Variants in PCDHGB4 observed in about 807,000 individuals in gnomAD.
PCDHGB4 encodes the protein protocadherin gamma subfamily B, 4.
A neutral mutation model predicts 60.5 loss-of-function variants in PCDHGB4; 38 were observed. The observed-to-expected ratio is 0.63, with a 90% CI of 0.48 to 0.82. The LOEUF (loss-of-function observed/expected upper bound fraction) is 0.82, where lower values mean the gene tolerates loss of function less well. Ranked by LOEUF, PCDHGB4 falls within the 40% of genes least tolerant of loss-of-function variation. The pLI is 0.00. For synonymous variants in PCDHGB4, 456 were observed against 509.7 expected, an observed-to-expected ratio of 0.89 and a Z score of 1.42; for missense variants, 1,109 against 1,209.6, an observed-to-expected ratio of 0.92 and a Z score of 1.23.
chr5:141,400,880 T>C (rs919340566), intron 1 of PCDHGB4, among the ~76,000 whole-genome samples: 1 of 152,276 alleles, frequency 6.6e-6, no homozygotes, highest in Non-Finnish European at 1.5e-5. Flanking sequence ...TTAAATTTAA[T>C]GTATGTAATC....
In PCDHGB4 at chr5:141,491,762, C is replaced by T. The variant is rs1162878124; in HGVS notation, c.2398-3045C>T. The T allele has an allele frequency of 6.4e-7, 1 of 1,572,596 alleles. No homozygotes were observed. The highest frequency in any genetic ancestry group is 1.4e-5 in the African/African-American group (1 of 73,308). ...GGCGGCACTGGAGAAGCCGCCCGTC[C>T]TCATAAGGGATTGAACTTGCATCCA... On this transcript the variant is annotated intron_variant, in intron 1 of 3. Transcript: ENST00000519479. The surrounding 1 kb of genome is among the most constrained non-coding windows in gnomAD (Gnocchi z 6.9).
At chr5:141,404,912 C>T (rs761969782) in intron 1 of PCDHGB4, 31 of 1,613,946 alleles carry the variant, frequency 1.9e-5, no homozygotes, top group Non-Finnish European at 2.5e-5. Flanking sequence ...CCAGCCCCCT[C>T]TCTCGGCCAC....
At position 141,427,298 on chromosome 5, in the gene PCDHGB4, G is replaced by A. The variant is rs960474831; in HGVS notation, c.2397+37017G>A. The A allele has an allele frequency of 8.8e-6, 4 of 456,870 alleles. No individual in the cohort carries two copies. The Admixed American group carries it at 9.4e-5, about 11-fold the overall frequency. 28.3% of individuals were successfully genotyped at this position (456,870 alleles called of 1,614,324 possible). A position where few individuals can be genotyped will look rare whatever the true frequency, so the allele number is the denominator to read the frequency against. On this transcript the variant is annotated intron_variant, in intron 1 of 3. Coordinates refer to ENST00000519479, the MANE Select transcript of PCDHGB4 (RefSeq NM_003736.4). ...AAATTATACTAGAAATCCTAGATGA[G>A]AATGACAATGCCCCAGACGTGGTTT...
chr5:141,509,207 A>C (rs1263006059), intron 3 of PCDHGB4, among the ~76,000 whole-genome samples: 2 of 151,694 alleles, frequency 1.3e-5, no homozygotes, highest in Non-Finnish European at 2.9e-5. Context: ...CTGTCTCTCT[A>C]TTTCTCAATC....
chr5:141,500,641 TA>T (rs1306300025), intron 2 of PCDHGB4, among the ~76,000 whole-genome samples: 4 of 152,346 alleles, frequency 2.6e-5, no homozygotes, highest in Middle Eastern at 3.4e-3. Flanking sequence ...ACTAGTTTTT[TA>T]AAAATAGCAA....
At chr5:141,410,722 ATCC>A (rs2154543211) in intron 1 of PCDHGB4, 21 of 1,396,054 alleles carry the variant, frequency 1.5e-5, no homozygotes, top group Non-Finnish European at 2.0e-5. Context: ...TATGTTTAAA[ATCC>A]ATAGCTTTTT....
chr5:141,446,532 A>G (rs1443843436), intron 1 of PCDHGB4, among the ~76,000 whole-genome samples: 1 of 151,788 alleles, frequency 6.6e-6, no homozygotes, highest in Non-Finnish European at 1.5e-5. Flanking sequence ...GCTGGAGTGC[A>G]GTGGCCCTAT....
chr5:141,428,067 G>GC, intron 1 of PCDHGB4: 2 of 1,609,228 alleles, frequency 1.2e-6, no homozygotes, highest in Non-Finnish European at 1.7e-6. Context: ...GGTGGACGCA[G>GC]ATTCGGGACA....
At chr5:141,433,383 CT>C (rs2097595660) in intron 1 of PCDHGB4, among the ~76,000 whole-genome samples, 1 of 151,456 alleles carries the variant, frequency 6.6e-6, no homozygotes, top group Non-Finnish European at 1.5e-5. Context: ...ATCTATCTAT[CT>C]ATCTATCTAT....
chr5:141,422,807 G>C (rs199507728), intron 1 of PCDHGB4: 7 of 1,614,198 alleles, frequency 4.3e-6, no homozygotes, highest in Non-Finnish European at 5.9e-6. Context: ...GAGCAGTTTC[G>C]AGACTTAGAA....
At chr5:141,504,381 T>C (rs1039838477) in intron 2 of PCDHGB4, among the ~76,000 whole-genome samples, 4 of 152,130 alleles carry the variant, frequency 2.6e-5, no homozygotes, top group Non-Finnish European at 5.9e-5. Context: ...GTGGAGTCGC[T>C]GCCTCACAGA....
intron 1 of PCDHGB4, among the ~76,000 whole-genome samples, chr5:141,420,701 T>C (rs371823252): frequency 7.2e-5 from 11 of 152,226 alleles, no homozygotes; most frequent in Admixed American, 5.9e-4. Flanking sequence ...TATTTCCACT[T>C]CCAGAAATGT....
rs1561856520 is a variant in PCDHGB4 at position 141,431,983 on chromosome 5, A to C, written c.2397+41702A>C. 3.1e-6 allele frequency: 5 copies of C among 1,614,242 alleles called. No homozygotes were observed. Among genetic ancestry groups the C allele is most frequent in the Non-Finnish European group, 4.2e-6 (5 of 1,180,036 alleles). ...ATTACTATAGTTTAGTCACAGACAT[A>C]GTCTTGGATAGGGAACAGGTTCCTA... On this transcript the variant is annotated intron_variant, in intron 1 of 3. Coordinates refer to ENST00000519479, the MANE Select transcript of PCDHGB4 (RefSeq NM_003736.4). The surrounding 1 kb of genome is among the most constrained non-coding windows in gnomAD (Gnocchi z 4.8).
intron 1 of PCDHGB4, chr5:141,392,926 A>G (rs1180746876): frequency 9.3e-6 from 15 of 1,613,946 alleles, no homozygotes; most frequent in Non-Finnish European, 1.3e-5. Context: ...GTGCCAGAAG[A>G]GACGGACAAA....
chr5:141,478,774 G>T (rs1019315910), intron 1 of PCDHGB4: 1 of 1,496,268 alleles, frequency 6.7e-7, no homozygotes, highest in African/African-American at 1.4e-5. Flanking sequence ...ACTCATCTGT[G>T]GACCTAATTC....
intron 1 of PCDHGB4, chr5:141,399,826 G>C (rs2093897872): frequency 1.2e-6 from 2 of 1,613,066 alleles, no homozygotes; most frequent in Non-Finnish European, 1.7e-6. Context: ...GGGTCCCGAC[G>C]GCTCTGCGCT....
intron 3 of PCDHGB4, among the ~76,000 whole-genome samples, chr5:141,509,539 A>G (rs749824780): frequency 1.3e-5 from 2 of 152,160 alleles, no homozygotes; most frequent in East Asian, 1.9e-4. Context: ...ATGAAGCACC[A>G]TCTCATTTAG....
In PCDHGB4 at chr5:141,459,352, C is replaced by T. The variant is rs111826527; in HGVS notation, c.2398-35455C>T. On this transcript the variant is annotated intron_variant, in intron 1 of 3. Coordinates refer to ENST00000519479, the MANE Select transcript of PCDHGB4 (RefSeq NM_003736.4). Reference sequence around the variant, plus strand: ...TACTCCAAAGTTCTTGAAATTCATTCATGTTCCTGTGTGTATCAGCAGCGT... The same window carrying T: ...TACTCCAAAGTTCTTGAAATTCATTTATGTTCCTGTGTGTATCAGCAGCGT... 1.4e-4 allele frequency among the ~76,000 whole-genome samples: 21 copies of T among 152,304 alleles called. No homozygotes were observed. The East Asian group carries it at 3.7e-3, about 27-fold the overall frequency.
At chr5:141,393,970 C>T (rs746781669) in intron 1 of PCDHGB4, 5 of 1,613,870 alleles carry the variant, frequency 3.1e-6, no homozygotes, top group Middle Eastern at 3.3e-4. Flanking sequence ...GTCTGTTACA[C>T]ACGTGATAAT....
Sources: allele counts gnomAD v4.1 joint callset (sites outside exome capture counted in the v4.1 genomes callset), GRCh38; gene constraint gnomAD v4.1.1; non-coding constraint Gnocchi (gnomAD v3.1); transcripts MANE v1.5; gene names NCBI Gene and HGNC (gene_info 2026-07-23, HGNC 2026-07-21).